The following LRTM1 variants were observed in gnomAD, a reference collection of about 807,000 sequenced individuals.
LRTM1 encodes leucine-rich repeat and transmembrane domain-containing protein 1.
LRTM1 carries 38 observed loss-of-function variants against 32.4 expected under a neutral mutation model. The ratio of observed to expected loss-of-function variants is 1.17; its 90% confidence interval spans 0.91 to 1.54. LRTM1 has a LOEUF of 1.54. Ranked by LOEUF, LRTM1 falls within the 40% of genes most tolerant of loss-of-function variation. The pLI is 0.00. For synonymous variants in LRTM1, 186 were observed against 169.9 expected (o/e 1.09, Z -0.74); for missense variants, 466 against 415.4 (o/e 1.12, Z -1.06).
At position 54,927,931 on chromosome 3, in the gene LRTM1, T is replaced by C; in HGVS notation, c.-20A>G. ...TTTCATGACTGAGTCTCCTTGGGCG[T>C]CCTTGCTGACCTCGTAGACCCTTTA... is the stretch of plus-strand genomic sequence containing the variant. On this transcript the variant is annotated 5_prime_UTR_variant, in exon 1 of 3. Coordinates refer to ENST00000273286, the MANE Select transcript of LRTM1 (RefSeq NM_020678.4). 6.2e-7 allele frequency: 1 copy of C among 1,613,518 alleles called. No homozygotes were observed. The highest frequency in any genetic ancestry group is 8.5e-7 in the Non-Finnish European group (1 of 1,179,528).
chr3:54,951,113 A>G (rs1283257434), intron 1 of LRTM1, among the ~76,000 whole-genome samples: 1 of 152,170 alleles, frequency 6.6e-6, no homozygotes, highest in Non-Finnish European at 1.5e-5. Context: ...TATAATATCA[A>G]GAACTAGTTG....
chr3:54,929,599 T>G (rs1559634126), upstream of LRTM1, among the ~76,000 whole-genome samples: 2 of 151,790 alleles, frequency 1.3e-5, no homozygotes, highest in South Asian at 4.2e-4. Context: ...AAAGCCCACT[T>G]TACGCAACCT....
At chr3:54,920,586 A>C (rs1700815367) in intron 2 of LRTM1, among the ~76,000 whole-genome samples, 1 of 152,198 alleles carries the variant, frequency 6.6e-6, no homozygotes, top group Admixed American at 6.5e-5. Flanking sequence ...CATTGAGATT[A>C]AGGATTCTTG....
chr3:54,953,236 A>G (rs972182257), intron 1 of LRTM1, among the ~76,000 whole-genome samples: 1 of 152,172 alleles, frequency 6.6e-6, no homozygotes. Context: ...TCCTGTTCCC[A>G]TTGTGCAAAT....
At position 54,927,963 on chromosome 3, in the gene LRTM1, G is replaced by A. The variant is rs754924643; in HGVS notation, c.-52C>T. ...TGACCTCGTAGACCCTTTAATTAATGTGCAGAGCAACACACGAAGGGCATG... is the reference window on the plus strand; with the variant it reads ...TGACCTCGTAGACCCTTTAATTAATATGCAGAGCAACACACGAAGGGCATG... On this transcript the variant is annotated 5_prime_UTR_variant, in exon 1 of 3. Transcript: ENST00000273286. 7.6e-6 allele frequency: 12 copies of A among 1,585,692 alleles called. No individual in the cohort carries two copies. Among genetic ancestry groups the A allele is most frequent in the African/African-American group, 1.3e-5 (1 of 74,378 alleles).
At chr3:54,947,312 G>A (rs1264416870) in intron 1 of LRTM1, among the ~76,000 whole-genome samples, 3 of 152,126 alleles carry the variant, frequency 2.0e-5, no homozygotes, top group African/African-American at 7.2e-5. Context: ...AGAAAAGGGT[G>A]GAATAATCTT....
chr3:54,933,457 G>A (rs950222597), intron 1 of LRTM1, among the ~76,000 whole-genome samples: 1 of 152,114 alleles, frequency 6.6e-6, no homozygotes, highest in Non-Finnish European at 1.5e-5. Context: ...CCATCAGTTG[G>A]AAAAGGTACT....
chr3:54,936,381 A>G (rs900914669), intron 1 of LRTM1, among the ~76,000 whole-genome samples: 2 of 152,176 alleles, frequency 1.3e-5, no homozygotes, highest in African/African-American at 4.8e-5. Flanking sequence ...CCTAGAATCA[A>G]GTGCAATCTC....
At position 54,939,601 on chromosome 3, in the gene LRTM1, G is replaced by A. The variant is rs78793024; in HGVS notation, c.-221-14386C>T. On this transcript the variant is annotated intron_variant, in intron 1 of 2. Transcript: ENST00000493075. ...TGGGGCCGGAGGTGGGGAAAGCAAG[G>A]CATTTTGTGCAGAGAGTTAGCAATA... Among the ~76,000 whole-genome samples the A allele has an allele frequency of 6.3e-3, 962 of 152,312 alleles. 18 individuals are homozygous for A. The highest frequency in any genetic ancestry group is 0.022 in the African/African-American group (929 of 41,572).
chr3:54,948,119 G>T (rs1701660678), intron 1 of LRTM1, among the ~76,000 whole-genome samples: 1 of 152,140 alleles, frequency 6.6e-6, no homozygotes, highest in South Asian at 2.1e-4. Context: ...ACCTTCCTAT[G>T]ACCTCAAATT....
upstream of LRTM1, among the ~76,000 whole-genome samples, chr3:54,928,969 G>T (rs1255807636): frequency 6.6e-6 from 1 of 152,120 alleles, no homozygotes; most frequent in African/African-American, 2.4e-5. Flanking sequence ...TGCTGAGGTG[G>T]GGTTTCAACC....
chr3:54,965,974 G>A (rs1476860136), intron 1 of LRTM1, among the ~76,000 whole-genome samples: 2 of 152,142 alleles, frequency 1.3e-5, no homozygotes, highest in Non-Finnish European at 2.9e-5. Context: ...TGGAGGGACT[G>A]ACTCATGAGG....
At chr3:54,953,037 A>G (rs1316627940) in intron 1 of LRTM1, among the ~76,000 whole-genome samples, 2 of 152,152 alleles carry the variant, frequency 1.3e-5, no homozygotes, top group East Asian at 1.9e-4. Flanking sequence ...GAAAAACTGT[A>G]CAGAGACTCA....
In LRTM1 at chr3:54,927,945, G is replaced by C; in HGVS notation, c.-34C>G. 1 of 1,611,030 alleles carries C rather than the reference G, an allele frequency of 6.2e-7. No homozygotes were observed. The highest frequency in any genetic ancestry group is 8.5e-7 in the Non-Finnish European group (1 of 1,177,416). Reference sequence around the variant, plus strand: ...CTCCTTGGGCGTCCTTGCTGACCTCGTAGACCCTTTAATTAATGTGCAGAG... The same window carrying C: ...CTCCTTGGGCGTCCTTGCTGACCTCCTAGACCCTTTAATTAATGTGCAGAG... On this transcript the variant is annotated 5_prime_UTR_variant, in exon 1 of 3. Coordinates refer to ENST00000273286, the MANE Select transcript of LRTM1 (RefSeq NM_020678.4).
chr3:54,918,354 T>G lies in LRTM1; in HGVS notation c.*105A>C. ...TTTCTTTTTTTTTTTTTTTTTTTTT[T>G]TGTCTTTTGGCAAAAGCAAAATCAG... is the stretch of plus-strand genomic sequence containing the variant. On this transcript the variant is annotated 3_prime_UTR_variant, in exon 3 of 3. Coordinates refer to ENST00000273286, the MANE Select transcript of LRTM1 (RefSeq NM_020678.4). 6 of 325,282 alleles carry G rather than the reference T, an allele frequency of 1.8e-5. 1 individual carries two copies. Among genetic ancestry groups the G allele is most frequent in the Non-Finnish European group, 3.1e-5 (6 of 195,118 alleles). 20.1% of individuals were successfully genotyped at this position (325,282 alleles called of 1,614,324 possible).
intron 2 of LRTM1, among the ~76,000 whole-genome samples, chr3:54,922,683 C>T (rs1225598782): frequency 1.3e-5 from 2 of 152,126 alleles, no homozygotes; most frequent in Non-Finnish European, 2.9e-5. Flanking sequence ...TCTGTAGCTC[C>T]AACATCTTCC....
intron 1 of LRTM1, among the ~76,000 whole-genome samples, chr3:54,957,860 C>T (rs1377712715): frequency 6.6e-6 from 1 of 152,176 alleles, no homozygotes; most frequent in African/African-American, 2.4e-5. Flanking sequence ...GTAGATTTTT[C>T]CAAAGCACAA....
At position 54,941,043 on chromosome 3, in the gene LRTM1, C is replaced by T. The variant is rs999204415; in HGVS notation, c.-221-15828G>A. Among the ~76,000 whole-genome samples, 4 of 152,176 alleles carry T rather than the reference C, an allele frequency of 2.6e-5. No individual in the cohort carries two copies. The South Asian group carries it at 8.3e-4, about 32-fold the overall frequency. On this transcript the variant is annotated intron_variant, in intron 1 of 2. Transcript: ENST00000493075. ...AGGCAATCCTGGTATGTTTCCTTTT[C>T]TCCAGTGATTAAAGCAAATCAAACA...
intron 1 of LRTM1, among the ~76,000 whole-genome samples, chr3:54,958,333 C>T (rs1199912952): frequency 1.3e-5 from 2 of 152,188 alleles, no homozygotes; most frequent in Non-Finnish European, 2.9e-5. Context: ...TTGGAGGCTG[C>T]AGTGAGCTAT....
Sources: gnomAD v4.1 joint callset for allele counts (sites outside exome capture counted in the v4.1 genomes callset) on GRCh38, gnomAD v4.1.1 for gene constraint, MANE v1.5 for transcripts, NCBI Gene and HGNC (gene_info 2026-07-23, HGNC 2026-07-21) for gene names.